Variants in FAM171A1 observed in about 807,000 individuals in gnomAD.
The protein encoded by FAM171A1 is family with sequence similarity 171 member A1.
FAM171A1 carries 23 observed loss-of-function variants against 74.9 expected under a neutral mutation model. The observed-to-expected ratio is 0.31, with a 90% CI of 0.22 to 0.44. The LOEUF is 0.44. Ranked by LOEUF, FAM171A1 falls within the 20% of genes least tolerant of loss-of-function variation. FAM171A1 has a pLI of 1.00. For synonymous variants in FAM171A1, 527 were observed against 505.7 expected (o/e 1.04, Z -0.57); for missense variants, 1,162 against 1,159.2 (o/e 1.00, Z -0.03).
chr10:15,257,028 A>G (rs1251536171), intron 3 of FAM171A1, among the ~76,000 whole-genome samples: 4 of 152,246 alleles, frequency 2.6e-5, no homozygotes, highest in Non-Finnish European at 4.4e-5. Flanking sequence ...TGCTGCTGAT[A>G]GTATTCAATG....
At position 15,252,666 on chromosome 10, in the gene FAM171A1, G is replaced by C. The variant is rs142965374; in HGVS notation, c.577+2055C>G. ...CTATGGGTGGATGCCTTCGCTGCTA[G>C]GTCTCCAAGAAAGCCTAGTCATTTC... On this transcript the variant is annotated intron_variant, in intron 4 of 7. Coordinates refer to ENST00000378116, the MANE Select transcript of FAM171A1 (RefSeq NM_001010924.2). Among the ~76,000 whole-genome samples, 672 of 152,276 alleles carry C rather than the reference G, an allele frequency of 4.4e-3. 4 individuals carry two copies. Among genetic ancestry groups the C allele is most frequent in the African/African-American group, 0.016 (645 of 41,552 alleles).
chr10:15,367,645 T>C (rs1314402444), intron 1 of FAM171A1, among the ~76,000 whole-genome samples: 3 of 152,224 alleles, frequency 2.0e-5, no homozygotes, highest in African/African-American at 7.2e-5. Flanking sequence ...TAACTGAAGT[T>C]TGAGTTTGGC....
At chr10:15,296,824 C>A (rs767095613) in intron 1 of FAM171A1, among the ~76,000 whole-genome samples, 1 of 148,618 alleles carries the variant, frequency 6.7e-6, no homozygotes, top group Non-Finnish European at 1.5e-5. Flanking sequence ...TCATTGGAGA[C>A]GCATGGAAGA....
chr10:15,320,673 G>T (rs1294105404), intron 1 of FAM171A1, among the ~76,000 whole-genome samples: 1 of 152,146 alleles, frequency 6.6e-6, no homozygotes, highest in Admixed American at 6.5e-5. Context: ...ACTGGTATGA[G>T]ATGGTATCTC....
At chr10:15,358,840 T>C (rs1034446786) in intron 1 of FAM171A1, among the ~76,000 whole-genome samples, 3 of 152,250 alleles carry the variant, frequency 2.0e-5, no homozygotes, top group Admixed American at 6.5e-5. Context: ...TAAAATGCTA[T>C]GAGGATCAAC....
At chr10:15,361,854 C>T (rs1245835995) in intron 1 of FAM171A1, among the ~76,000 whole-genome samples, 1 of 152,150 alleles carries the variant, frequency 6.6e-6, no homozygotes, top group African/African-American at 2.4e-5. Flanking sequence ...GATAGTACAT[C>T]TAAGAAAATA....
intron 6 of FAM171A1, among the ~76,000 whole-genome samples, chr10:15,217,799 G>C (rs1427251186): frequency 6.6e-6 from 1 of 151,898 alleles, no homozygotes; most frequent in Non-Finnish European, 1.5e-5. Flanking sequence ...CACCATGCCT[G>C]GCTAATTTTT....
chr10:15,253,153 G>A (rs757276236), intron 4 of FAM171A1, among the ~76,000 whole-genome samples: 75 of 152,046 alleles, frequency 4.9e-4, no homozygotes, highest in Non-Finnish European at 7.1e-4. Flanking sequence ...ACAGGCACCT[G>A]CCACCACACC....
chr10:15,233,896 G>A (rs185765672), intron 5 of FAM171A1, among the ~76,000 whole-genome samples: 5 of 107,910 alleles, frequency 4.6e-5, no homozygotes, highest in Non-Finnish European at 7.4e-5. Context: ...GCAAGACTCC[G>A]TCTCACCAAA....
In FAM171A1 at chr10:15,220,946, G is replaced by A; in HGVS notation, c.869C>T (p.Pro290Leu). 6.2e-7 allele frequency: 1 copy of A among 1,611,784 alleles called. No homozygotes were observed. Among genetic ancestry groups the A allele is most frequent in the Non-Finnish European group, 8.5e-7 (1 of 1,178,350 alleles). The change falls in exon 6 of 8, where the codon CCA (proline) becomes CTA (leucine). Residue 290 changes from proline (P) to leucine (L), a missense_variant and splice_region_variant. Coordinates refer to ENST00000378116, the MANE Select transcript of FAM171A1 (RefSeq NM_001010924.2). ...CGCAAGTGTTGGCTCCGTGTTACCT[G>A]GGATGGGAGGGGACATGGCGGCCAC... is the stretch of plus-strand genomic sequence containing the variant. ...YWVAAMSPPI[P>L]GPVVTQDITT...
chr10:15,302,706 GT>G (rs2131829098), intron 1 of FAM171A1, among the ~76,000 whole-genome samples: 1 of 152,260 alleles, frequency 6.6e-6, no homozygotes, highest in South Asian at 2.1e-4. Context: ...ATCACAAGCA[GT>G]AACCCAAGGA....
intron 1 of FAM171A1, among the ~76,000 whole-genome samples, chr10:15,368,972 C>G (rs1836099530): frequency 1.3e-5 from 2 of 152,088 alleles, no homozygotes; most frequent in Non-Finnish European, 2.9e-5. Context: ...CTTTAAAAAG[C>G]CATCCTTACA....
intron 2 of FAM171A1, among the ~76,000 whole-genome samples, chr10:15,279,473 G>A (rs1460980028): frequency 6.6e-6 from 1 of 152,136 alleles, no homozygotes; most frequent in East Asian, 1.9e-4. Flanking sequence ...TCCCATCACA[G>A]AGGGGAGGCT....
chr10:15,219,990 C>T (rs1239949256), intron 6 of FAM171A1, among the ~76,000 whole-genome samples: 5 of 152,204 alleles, frequency 3.3e-5, no homozygotes, highest in Non-Finnish European at 7.3e-5. Flanking sequence ...AGACCTCCAT[C>T]AAATCAGTTA....
chr10:15,318,437 A>G (rs1564276582), intron 1 of FAM171A1, among the ~76,000 whole-genome samples: 3 of 152,194 alleles, frequency 2.0e-5, no homozygotes, highest in African/African-American at 4.8e-5. Flanking sequence ...CGGTAAGTCT[A>G]TACAGAAAAA....
chr10:15,357,804 G>C (rs1486075844), intron 1 of FAM171A1, among the ~76,000 whole-genome samples: 1 of 152,166 alleles, frequency 6.6e-6, no homozygotes, highest in Non-Finnish European at 1.5e-5. Flanking sequence ...GTTAATTACA[G>C]AGCCTAAGTG....
chr10:15,220,279 T>C (rs570073234), intron 6 of FAM171A1, among the ~76,000 whole-genome samples: 1 of 152,142 alleles, frequency 6.6e-6, no homozygotes, highest in East Asian at 1.9e-4. Flanking sequence ...CCAAGTAATA[T>C]AGATTCTAAA....
chr10:15,373,643 T>G (rs969901332), upstream of FAM171A1, among the ~76,000 whole-genome samples: 1 of 152,172 alleles, frequency 6.6e-6, no homozygotes, highest in Non-Finnish European at 1.5e-5. Flanking sequence ...ATGTTACAAT[T>G]GGGGGAAGCT....
intron 2 of FAM171A1, among the ~76,000 whole-genome samples, chr10:15,280,644 C>T (rs1375546398): frequency 5.3e-5 from 8 of 152,154 alleles, no homozygotes; most frequent in Admixed American, 6.5e-5. Flanking sequence ...AAAGGAAATC[C>T]GTTTCTGGGT....
Sources: allele counts gnomAD v4.1 joint callset (sites outside exome capture counted in the v4.1 genomes callset), GRCh38; gene constraint gnomAD v4.1.1; transcripts MANE v1.5; gene names NCBI Gene and HGNC (gene_info 2026-07-23, HGNC 2026-07-21).